KDM2B: variants seen among roughly 807,000 people sequenced by gnomAD.
KDM2B encodes the protein lysine-specific demethylase 2B.
In KDM2B, 26 loss-of-function variants were observed where a neutral mutation model predicts 150.0. The ratio of observed to expected loss-of-function variants is 0.17; its 90% confidence interval spans 0.13 to 0.24. The LOEUF (loss-of-function observed/expected upper bound fraction) is 0.24. Ranked by LOEUF, KDM2B falls within the 10% of genes least tolerant of loss-of-function variation. The pLI is 1.00. For synonymous variants in KDM2B, 734 were observed against 729.5 expected (o/e 1.01, Z -0.10); for missense variants, 1,265 against 1,816.9 (o/e 0.70, Z 5.52).
chr12:121,467,125 G>A lies in KDM2B; in HGVS notation c.1735-13781C>T, dbSNP rs1880115873. The A allele has an allele frequency of 8.1e-6, 9 of 1,110,582 alleles. No homozygotes were observed. Among genetic ancestry groups the A allele is most frequent in the Non-Finnish European group, 1.0e-5 (9 of 890,052 alleles). 68.8% of individuals were successfully genotyped at this position (1,110,582 alleles called of 1,614,324 possible). On this transcript the variant is annotated intron_variant, in intron 12 of 22. Coordinates refer to ENST00000377071, the MANE Select transcript of KDM2B (RefSeq NM_032590.5). The surrounding 1 kb of genome is among the most constrained non-coding windows in gnomAD (Gnocchi z 5.1). ...AGGCGGTCGGGAGGTCGTGCGGCGG[G>A]TCCCTCCCTCAGCCCCACCCCGGGC...
chr12:121,582,250 C>G (rs1255092142), upstream of KDM2B, among the ~76,000 whole-genome samples: 1 of 150,018 alleles, frequency 6.7e-6, no homozygotes. Flanking sequence ...GATCACATAG[C>G]GCGTATGTGC....
At chr12:121,441,670 C>G (rs747908052) in intron 19 of KDM2B, among the ~76,000 whole-genome samples, 19 of 152,140 alleles carry the variant, frequency 1.2e-4, no homozygotes, top group Non-Finnish European at 2.6e-4. Context: ...CTCCTGACTT[C>G]AAGTGATCCG....
chr12:121,445,278 A>C lies in KDM2B; in HGVS notation c.2100T>G (p.Leu700=), dbSNP rs782254578. 5.0e-6 allele frequency: 8 copies of C among 1,613,648 alleles called. No homozygotes were observed. The highest frequency in any genetic ancestry group is 5.9e-6 in the Non-Finnish European group (7 of 1,179,750). ...ICNEIIHPGC[L]KIKESEGVVN... ...CTGTCCCCACTGGGCCACTCACCTTAAGGCATCCAGGGTGGATGATTTCAT... is the reference window on the plus strand; with the variant it reads ...CTGTCCCCACTGGGCCACTCACCTTCAGGCATCCAGGGTGGATGATTTCAT... Residue 700 remains leucine, a synonymous_variant, in exon 14 of 23, where the codon CTT becomes CTG. Coordinates refer to ENST00000377071, the MANE Select transcript of KDM2B (RefSeq NM_032590.5).
intron 3 of KDM2B, among the ~76,000 whole-genome samples, chr12:121,574,984 C>T (rs1891406606): frequency 6.6e-6 from 1 of 152,216 alleles, no homozygotes; most frequent in African/African-American, 2.4e-5. Flanking sequence ...AAAATACTCT[C>T]CATGAGGAGT....
At chr12:121,431,879 CTTTTTTTTTTT>C (rs77237915) in intron 22 of KDM2B, among the ~76,000 whole-genome samples, 2 of 122,398 alleles carry the variant, frequency 1.6e-5, no homozygotes, top group African/African-American at 6.3e-5. Flanking sequence ...TTTCTTTTTT[CTTTTTTTTTTT>C]TTTTTTGGAG....
chr12:121,420,742 C>T, the KDM2B span: 21 of 1,613,726 alleles, frequency 1.3e-5, no homozygotes, highest in East Asian at 1.1e-4. Flanking sequence ...GAAAGTAAAC[C>T]GGTTATACAA....
At chr12:121,582,214 T>G (rs528256031), upstream of KDM2B, among the ~76,000 whole-genome samples, 165 of 151,424 alleles carry the variant, frequency 1.1e-3, no homozygotes, top group African/African-American at 3.3e-3. Flanking sequence ...AAATTAGGAC[T>G]AAGAAAAGCA....
intron 12 of KDM2B, among the ~76,000 whole-genome samples, chr12:121,492,490 T>C (rs1020653415): frequency 1.3e-5 from 2 of 151,568 alleles, no homozygotes; most frequent in Non-Finnish European, 2.9e-5. Flanking sequence ...GTATTTTTAG[T>C]AGAGACGGAG....
chr12:121,544,220 G>A (rs1888840481), intron 6 of KDM2B, among the ~76,000 whole-genome samples: 1 of 152,012 alleles, frequency 6.6e-6, no homozygotes, highest in Non-Finnish European at 1.5e-5. Flanking sequence ...GAGGAGTCCT[G>A]GGAGTTTAAG....
At chr12:121,479,394 G>A (rs1016365832) in intron 12 of KDM2B, among the ~76,000 whole-genome samples, 2 of 151,170 alleles carry the variant, frequency 1.3e-5, no homozygotes, top group East Asian at 4.0e-4. Context: ...GTGAACCCGG[G>A]AGGCGGAGCT....
rs550424457 is a variant in KDM2B at position 121,570,728 on chromosome 12, A to C, written c.397+3819T>G. ...CCCTACACACTGCTTATGGGAGTGT[A>C]AAATGACACAGCTGCTTTGGTAAAC... is the stretch of plus-strand genomic sequence containing the variant. On this transcript the variant is annotated intron_variant, in intron 4 of 22. Coordinates refer to ENST00000377071, the MANE Select transcript of KDM2B (RefSeq NM_032590.5). Among the ~76,000 whole-genome samples the C allele has an allele frequency of 6.1e-4, 93 of 152,334 alleles. 3 individuals carry two copies. In the South Asian group the frequency reaches 0.019, roughly 31 times the overall value.
chr12:121,415,896 T>C, the KDM2B span, among the ~76,000 whole-genome samples: 239 of 140,028 alleles, frequency 1.7e-3, 2 homozygotes, highest in South Asian at 0.01. Context: ...TTTGGGTGGG[T>C]AGGGAGGTTT....
intron 22 of KDM2B, among the ~76,000 whole-genome samples, chr12:121,432,026 G>T (rs1873137866): frequency 6.6e-6 from 1 of 151,740 alleles, no homozygotes; most frequent in African/African-American, 2.4e-5. Flanking sequence ...GATTACAGGT[G>T]CCGGCCACCA....
chr12:121,494,727 G>A, intron 11 of KDM2B, 62 bp from the exon 12 acceptor site: 1 of 1,288,378 alleles, frequency 7.8e-7, no homozygotes, highest in South Asian at 1.3e-5. Flanking sequence ...GAAGACAGCT[G>A]AACAGCAGAC....
At chr12:121,569,699 G>A (rs1333065379) in intron 4 of KDM2B, among the ~76,000 whole-genome samples, 1 of 152,170 alleles carries the variant, frequency 6.6e-6, no homozygotes, top group Non-Finnish European at 1.5e-5. Context: ...ACTGCAGTCA[G>A]CGGCCTCCCT....
At chr12:121,580,145 C>CA in intron 1 of KDM2B, 1 of 1,561,936 alleles carries the variant, frequency 6.4e-7, no homozygotes, top group East Asian at 2.3e-5. Flanking sequence ...GAAAACAAAC[C>CA]AAAAAATAAA....
chr12:121,579,509 C>CCCCCCT, intron 1 of KDM2B: 12 of 1,077,336 alleles, frequency 1.1e-5, no homozygotes, highest in East Asian at 6.1e-5. Context: ...GCCGCCCGCC[C>CCCCCCT]GCCAGTGCAA....
chr12:121,448,659 T>C (rs955064767), intron 13 of KDM2B, among the ~76,000 whole-genome samples: 10 of 152,166 alleles, frequency 6.6e-5, no homozygotes, highest in Middle Eastern at 6.8e-3. Flanking sequence ...ATACACGCCA[T>C]TGGTAAGTGA....
intron 12 of KDM2B, chr12:121,470,370 G>A (rs1880642976): frequency 2.6e-5 from 4 of 152,154 alleles, no homozygotes; most frequent in Admixed American, 1.3e-4. Flanking sequence ...AGATAGAAGG[G>A]GGTCTCTCCT....
Sources: allele counts gnomAD v4.1 joint callset (sites outside exome capture counted in the v4.1 genomes callset), GRCh38; gene constraint gnomAD v4.1.1; non-coding constraint Gnocchi (gnomAD v3.1); transcripts MANE v1.5; gene names NCBI Gene and HGNC (gene_info 2026-07-23, HGNC 2026-07-21).